GLI3: variants seen among roughly 807,000 people sequenced by gnomAD.
GLI3 encodes the protein GLI family zinc finger 3.
A neutral mutation model predicts 100.8 loss-of-function variants in GLI3; 20 were observed. The observed-to-expected ratio is 0.20, with a 90% confidence interval of 0.14 to 0.29. GLI3 has a LOEUF of 0.29. Among genes scored for constraint, GLI3 ranks in the 10% least tolerant of loss-of-function variants. The pLI, the probability that GLI3 is intolerant of heterozygous loss-of-function variation, is 1.00. For missense variants in GLI3, 2,040 were observed against 2,128.5 expected, an observed-to-expected ratio of 0.96 and a Z score of 0.82; for synonymous variants, 938 against 860.5, an observed-to-expected ratio of 1.09 and a Z score of -1.58.
chr7:42,210,351 C>CG (rs1554340079), intron 2 of GLI3, among the ~76,000 whole-genome samples: 1 of 80,970 alleles, frequency 1.2e-5, no homozygotes, highest in African/African-American at 3.4e-5. Context: ...CCCCCCCCCC[C>CG]CCCAAGTTAA....
rs184058462 is a variant in GLI3, at chr7:41,991,293, C to T, written c.1498-12545G>A. Among the ~76,000 whole-genome samples the T allele has an allele frequency of 4.6e-5, 7 of 152,310 alleles. No homozygotes were observed. The East Asian group carries it at 1.2e-3, about 25-fold the overall frequency. On this transcript the variant is annotated intron_variant, in intron 10 of 14. Coordinates refer to ENST00000395925, the MANE Select transcript of GLI3 (RefSeq NM_000168.6). ...CCACATCATAGAAAACTAGCAGGCC[C>T]ATTGCCCAGGGCTTTTCCAGGTTTG...
chr7:41,974,099 G>A (rs1465598093), intron 12 of GLI3, among the ~76,000 whole-genome samples: 1 of 152,174 alleles, frequency 6.6e-6, no homozygotes, highest in Non-Finnish European at 1.5e-5. Context: ...GAGGTATGGA[G>A]ACCAGAAGGA....
intron 3 of GLI3, among the ~76,000 whole-genome samples, chr7:42,091,875 T>C (rs571749772): frequency 6.6e-6 from 1 of 152,360 alleles, no homozygotes; most frequent in Non-Finnish European, 1.5e-5. Context: ...GTCTTCAACG[T>C]TTACTTTAGT....
At chr7:42,110,325 G>A (rs1390030327) in intron 3 of GLI3, among the ~76,000 whole-genome samples, 1 of 152,028 alleles carries the variant, frequency 6.6e-6, no homozygotes, top group Non-Finnish European at 1.5e-5. Context: ...CCAAATAAAG[G>A]TGCATCTCCA....
intron 3 of GLI3, among the ~76,000 whole-genome samples, chr7:42,080,549 G>A (rs926171705): frequency 7.2e-5 from 11 of 152,158 alleles, no homozygotes; most frequent in Admixed American, 7.2e-4. Context: ...TATACCTTGT[G>A]TTGGTTATTA....
In GLI3 at chr7:42,075,623, G is replaced by A. The variant is rs186661202; in HGVS notation, c.473+1129C>T. 7.9e-5 allele frequency among the ~76,000 whole-genome samples: 12 copies of A among 152,264 alleles called. No homozygotes were observed. The East Asian group carries it at 1.7e-3, about 22-fold the overall frequency. On this transcript the variant is annotated intron_variant, in intron 4 of 14. Coordinates refer to ENST00000395925, the MANE Select transcript of GLI3 (RefSeq NM_000168.6). ...CTCAAAGGATCAGTCACAAGTTTCT[G>A]CATTCTCTCTCTATAAATACCCACT...
At chr7:42,200,507 A>C (rs915345360) in intron 2 of GLI3, among the ~76,000 whole-genome samples, 9 of 152,106 alleles carry the variant, frequency 5.9e-5, no homozygotes, top group Admixed American at 4.6e-4. Context: ...CCACTATTTT[A>C]AAGTGCCTTT....
chr7:42,212,374 AT>A (rs1224814243), intron 2 of GLI3, among the ~76,000 whole-genome samples: 3 of 152,232 alleles, frequency 2.0e-5, no homozygotes, highest in Non-Finnish European at 4.4e-5. Context: ...TCTGTATGTG[AT>A]TAAACTGCTT....
At chr7:42,010,125 T>C (rs1182519952) in intron 10 of GLI3, among the ~76,000 whole-genome samples, 1 of 152,234 alleles carries the variant, frequency 6.6e-6, no homozygotes, top group Non-Finnish European at 1.5e-5. Context: ...TGCAGCACTT[T>C]CTCCAAAGTC....
intron 7 of GLI3, among the ~76,000 whole-genome samples, chr7:42,031,035 A>G (rs1183685079): frequency 1.3e-5 from 2 of 152,138 alleles, no homozygotes; most frequent in Admixed American, 1.3e-4. Context: ...GAAATTGTTA[A>G]TAATCTCTTA....
intron 3 of GLI3, among the ~76,000 whole-genome samples, chr7:42,118,631 G>A (rs1376391882): frequency 1.3e-5 from 2 of 152,172 alleles, no homozygotes; most frequent in Non-Finnish European, 2.9e-5. Context: ...GCTTCACTAA[G>A]AATGTGAAGC....
In GLI3 at chr7:42,076,762, G is replaced by A. The variant is rs868656005; in HGVS notation, c.463C>T (p.Pro155Ser). The A allele has an allele frequency of 1.9e-6, 3 of 1,580,162 alleles. No homozygotes were observed. In the African/African-American group the frequency reaches 4.0e-5, roughly 21 times the overall value. Reference sequence around the variant, plus strand: ...AGTGTTAATACTTACATATGCAATGGAGGAATCGGAGATGGATCGTAATGG... The same window carrying A: ...AGTGTTAATACTTACATATGCAATGAAGGAATCGGAGATGGATCGTAATGG... ...RYHYDPSPIP[P>S]LHMTSALSSS... Residue 155 changes from proline (P) to serine (S), a missense_variant, in exon 4 of 15, where the codon CCA becomes TCA. Coordinates refer to ENST00000395925, the MANE Select transcript of GLI3 (RefSeq NM_000168.6).
chr7:42,047,025 G>A lies in GLI3; in HGVS notation c.679+1466C>T, dbSNP rs117466611. Among the ~76,000 whole-genome samples, 174 of 152,146 alleles carry A rather than the reference G, an allele frequency of 1.1e-3. 4 individuals are homozygous for A. The East Asian group carries it at 0.033, about 29-fold the overall frequency. On this transcript the variant is annotated intron_variant, in intron 5 of 14. Coordinates refer to ENST00000395925, the MANE Select transcript of GLI3 (RefSeq NM_000168.6). ...ATAAAAATTAGCTAGGCGTGGTGGT[G>A]CACACCAGTGGTCCCAGCTACTTAG...
intron 3 of GLI3, among the ~76,000 whole-genome samples, chr7:42,093,466 C>T (rs1301744875): frequency 6.6e-6 from 1 of 151,402 alleles, no homozygotes; most frequent in Non-Finnish European, 1.5e-5. Flanking sequence ...TATACGGTTA[C>T]CACAATCGTA....
chr7:42,193,749 A>G (rs1053740136), intron 2 of GLI3, among the ~76,000 whole-genome samples: 28 of 152,182 alleles, frequency 1.8e-4, no homozygotes, highest in African/African-American at 6.3e-4. Context: ...CACAGACCCC[A>G]TCCCATCTTA....
chr7:42,224,394 T>A (rs1309797662), intron 1 of GLI3, among the ~76,000 whole-genome samples: 2 of 152,226 alleles, frequency 1.3e-5, no homozygotes, highest in African/African-American at 2.4e-5. Flanking sequence ...TTCAGTCTAC[T>A]TTAACACATA....
At chr7:42,013,190 GA>G (rs1347997100) in intron 10 of GLI3, among the ~76,000 whole-genome samples, 1 of 152,168 alleles carries the variant, frequency 6.6e-6, no homozygotes, top group Non-Finnish European at 1.5e-5. Context: ...TCACCACTTA[GA>G]AATAAAATGT....
chr7:42,202,519 C>A (rs2128693570), intron 2 of GLI3, among the ~76,000 whole-genome samples: 1 of 152,292 alleles, frequency 6.6e-6, no homozygotes, highest in African/African-American at 2.4e-5. Context: ...CGATTGTATT[C>A]ATTTTATGTC....
intron 10 of GLI3, among the ~76,000 whole-genome samples, chr7:41,999,398 G>A (rs1300129994): frequency 6.6e-6 from 1 of 152,154 alleles, no homozygotes; most frequent in Non-Finnish European, 1.5e-5. Context: ...ACAGAAAAAG[G>A]TTCTGATTGA....
Sources: gnomAD v4.1 joint callset for allele counts (sites outside exome capture counted in the v4.1 genomes callset) on GRCh38, gnomAD v4.1.1 for gene constraint, MANE v1.5 for transcripts, NCBI Gene and HGNC (gene_info 2026-07-23, HGNC 2026-07-21) for gene names.